Variants in SHROOM3 observed in about 807,000 individuals in gnomAD.
SHROOM3 encodes shroom family member 3, also known as protein Shroom3.
Under a neutral mutation model 138.6 loss-of-function variants are expected in SHROOM3, and 47 were observed. That is an observed-to-expected ratio of 0.34 (90% CI 0.27 to 0.43). The LOEUF (loss-of-function observed/expected upper bound fraction) is 0.43. SHROOM3 is among the 20% of genes least tolerant of loss of function. SHROOM3 has a pLI of 1.00. For missense variants in SHROOM3, 2,491 were observed against 2,596.5 expected, an observed-to-expected ratio of 0.96 and a Z score of 0.88; for synonymous variants, 1,062 against 1,063.3, an observed-to-expected ratio of 1.00 and a Z score of 0.02.
chr4:76,701,877 C>G (rs1192394270), intron 2 of SHROOM3, among the ~76,000 whole-genome samples: 1 of 152,048 alleles, frequency 6.6e-6, no homozygotes, highest in Admixed American at 6.6e-5. Flanking sequence ...GAAGATGTTC[C>G]TTTAAAAATG....
chr4:76,663,731 C>T (rs1718606706), intron 2 of SHROOM3, among the ~76,000 whole-genome samples: 1 of 152,186 alleles, frequency 6.6e-6, no homozygotes, highest in Admixed American at 6.5e-5. Flanking sequence ...ATATTTAAAA[C>T]TTGGAAAACT....
chr4:76,540,114 CT>C (rs1733068836), intron 1 of SHROOM3, among the ~76,000 whole-genome samples: 1 of 152,198 alleles, frequency 6.6e-6, no homozygotes. Flanking sequence ...TCCCAAAATG[CT>C]GGGATTACAG....
At chr4:76,641,776 A>G (rs1735675759) in intron 2 of SHROOM3, among the ~76,000 whole-genome samples, 2 of 152,180 alleles carry the variant, frequency 1.3e-5, no homozygotes, top group South Asian at 4.1e-4. Flanking sequence ...CCCTCAATGC[A>G]TTGGCCTCAA....
chr4:76,605,929 CTCTCTA>C (rs1734603080), intron 2 of SHROOM3, among the ~76,000 whole-genome samples: 3 of 139,974 alleles, frequency 2.1e-5, no homozygotes, highest in African/African-American at 8.1e-5. Flanking sequence ...CTCTCTCTCT[CTCTCTA>C]TATATATATA....
chr4:76,623,533 T>G (rs1735054328), intron 2 of SHROOM3, among the ~76,000 whole-genome samples: 1 of 152,248 alleles, frequency 6.6e-6, no homozygotes. Flanking sequence ...CCAAATGATC[T>G]GGCTCTTTTC....
At chr4:76,516,042 A>T (rs1301845691) in intron 1 of SHROOM3, among the ~76,000 whole-genome samples, 1 of 152,168 alleles carries the variant, frequency 6.6e-6, no homozygotes, top group East Asian at 1.9e-4. Context: ...CACAAAGATA[A>T]TGAGAGAGAT....
At chr4:76,771,722 C>T (rs193177946) in intron 10 of SHROOM3, among the ~76,000 whole-genome samples, 1 of 152,316 alleles carries the variant, frequency 6.6e-6, no homozygotes, top group Non-Finnish European at 1.5e-5. Flanking sequence ...AGCTTATGCG[C>T]AGTCTCATGG....
intron 2 of SHROOM3, chr4:76,709,938 C>T: frequency 1.9e-6 from 1 of 537,786 alleles, no homozygotes. Context: ...TTCAGAGGAA[C>T]ATGGATAAAA....
chr4:76,771,381 T>C (rs35305163), intron 10 of SHROOM3, among the ~76,000 whole-genome samples: 8,859 of 150,042 alleles, frequency 0.059, 287 homozygotes, highest in Non-Finnish European at 0.071. Context: ...AAAAAAAAGA[T>C]GTACTGCTGT....
In SHROOM3 at chr4:76,501,005, G is replaced by T. The variant is rs1165577980; in HGVS notation, c.169-54604G>T. On this transcript the variant is annotated intron_variant, in intron 1 of 10. Transcript: ENST00000296043. The stretch of plus-strand genomic sequence containing the variant: ...AAATTATTTTGTAGAGATGGGGGGT[G>T]GTGAATCTTGCTATTTGCTCAGGCT... Among the ~76,000 whole-genome samples the T allele has an allele frequency of 2.6e-5, 4 of 151,962 alleles. No homozygotes were observed. The East Asian group carries it at 7.7e-4, about 29-fold the overall frequency.
intron 6 of SHROOM3, among the ~76,000 whole-genome samples, chr4:76,749,654 A>G (rs1172111622): frequency 6.6e-6 from 1 of 152,336 alleles, no homozygotes; most frequent in East Asian, 1.9e-4. Context: ...TAAGCATCGG[A>G]GGTGAAAAAT....
At chr4:76,441,910 C>T (rs962436831) in intron 1 of SHROOM3, among the ~76,000 whole-genome samples, 8 of 152,062 alleles carry the variant, frequency 5.3e-5, no homozygotes, top group African/African-American at 1.7e-4. Flanking sequence ...TTAGTAGAGA[C>T]GGGGTTTCTC....
chr4:76,487,466 A>C (rs1203740645), intron 1 of SHROOM3, among the ~76,000 whole-genome samples: 4 of 152,182 alleles, frequency 2.6e-5, no homozygotes, highest in African/African-American at 9.6e-5. Flanking sequence ...TATATCTAGG[A>C]GTGAAATTGC....
chr4:76,623,173 C>T (rs1036344527), intron 2 of SHROOM3, among the ~76,000 whole-genome samples: 9 of 152,168 alleles, frequency 5.9e-5, no homozygotes, highest in African/African-American at 1.9e-4. Context: ...GCATTTTGGT[C>T]TTTTCCTTTT....
At chr4:76,541,623 GCGCACA>G (rs1733100600) in intron 1 of SHROOM3, among the ~76,000 whole-genome samples, 1 of 140,042 alleles carries the variant, frequency 7.1e-6, no homozygotes, top group Non-Finnish European at 1.7e-5. Flanking sequence ...ACATATGTGG[GCGCACA>G]CACACACACA....
intron 1 of SHROOM3, among the ~76,000 whole-genome samples, chr4:76,493,789 G>A (rs567901718): frequency 8.5e-5 from 13 of 152,164 alleles, no homozygotes; most frequent in Non-Finnish European, 1.5e-4. Context: ...GACCAGCCTG[G>A]CCAACATGGT....
intron 2 of SHROOM3, among the ~76,000 whole-genome samples, chr4:76,570,659 A>G (rs1733817389): frequency 6.6e-6 from 1 of 152,136 alleles, no homozygotes; most frequent in Admixed American, 6.6e-5. Flanking sequence ...CCTCTTTGCA[A>G]ACTTGTGGGT....
chr4:76,754,711 C>A lies in SHROOM3; in HGVS notation c.4228C>A (p.His1410Asn). Reference protein sequence around the residue: ...PRGCEGDGPEHGVEEGTRKRV... With the variant: ...PRGCEGDGPENGVEEGTRKRV... ...AGGCTGTGAGGGCGATGGCCCAGAG[C>A]ATGGGGTAGAAGAGGGAACGAGGAA... Residue 1410 changes from histidine to asparagine, a missense_variant, in exon 7 of 11, where the codon CAT (histidine) becomes AAT (asparagine). Coordinates refer to ENST00000296043, the MANE Select transcript of SHROOM3 (RefSeq NM_020859.4). 1 of 1,614,214 alleles carries A rather than the reference C, an allele frequency of 6.2e-7. No individual in the cohort carries two copies. The highest frequency in any genetic ancestry group is 8.5e-7 in the Non-Finnish European group (1 of 1,180,036).
At chr4:76,632,212 G>C (rs890249186) in intron 2 of SHROOM3, among the ~76,000 whole-genome samples, 1 of 152,178 alleles carries the variant, frequency 6.6e-6, no homozygotes. Context: ...CTGAGGGAGA[G>C]AGAGAGCCAG....
Sources: allele counts gnomAD v4.1 joint callset (sites outside exome capture counted in the v4.1 genomes callset), GRCh38; gene constraint gnomAD v4.1.1; transcripts MANE v1.5; gene names NCBI Gene and HGNC (gene_info 2026-07-23, HGNC 2026-07-21).